Variants in CADM2 observed in about 807,000 individuals in gnomAD.
The protein encoded by CADM2 is immunoglobulin superfamily member 4D.
CADM2 carries 12 observed loss-of-function variants against 49.8 expected under a neutral mutation model. The ratio of observed to expected loss-of-function variants is 0.24; its 90% CI spans 0.15 to 0.39. CADM2 has a LOEUF of 0.39. CADM2 is among the 10% of genes least tolerant of loss of function. CADM2 has a pLI of 1.00. For missense variants in CADM2, 378 were observed against 492.3 expected, an observed-to-expected ratio of 0.77 and a Z score of 2.20; for synonymous variants, 214 against 175.4, an observed-to-expected ratio of 1.22 and a Z score of -1.74.
At chr3:85,268,981 A>G (rs959745500) in intron 1 of CADM2, among the ~76,000 whole-genome samples, 1 of 151,386 alleles carries the variant, frequency 6.6e-6, no homozygotes, top group African/African-American at 2.4e-5. Flanking sequence ...CAAAATTGCT[A>G]TCTAATTTTA....
intron 5 of CADM2, among the ~76,000 whole-genome samples, chr3:85,887,666 A>C (rs965765196): frequency 6.6e-6 from 1 of 152,174 alleles, no homozygotes; most frequent in Non-Finnish European, 1.5e-5. Context: ...ACAAGTCCCA[A>C]GACACAAGTT....
At chr3:85,740,037 T>C (rs574577585) in intron 2 of CADM2, among the ~76,000 whole-genome samples, 1 of 152,192 alleles carries the variant, frequency 6.6e-6, no homozygotes. Context: ...TGAGTAACAG[T>C]ATTAGATGTT....
intron 1 of CADM2, among the ~76,000 whole-genome samples, chr3:85,013,171 G>T (rs1237149682): frequency 6.6e-6 from 1 of 150,580 alleles, no homozygotes; most frequent in Non-Finnish European, 1.5e-5. Flanking sequence ...CCAAATTATG[G>T]AGAAGGAAAA....
chr3:85,152,834 G>A (rs373060961), intron 1 of CADM2, among the ~76,000 whole-genome samples: 27 of 151,746 alleles, frequency 1.8e-4, no homozygotes, highest in African/African-American at 5.3e-4. Flanking sequence ...GCGTGGTGGC[G>A]GGTGCTTGTA....
intron 1 of CADM2, among the ~76,000 whole-genome samples, chr3:85,353,603 G>A (rs529045259): frequency 3.9e-4 from 59 of 149,548 alleles, no homozygotes; most frequent in Non-Finnish European, 5.9e-4. Context: ...ATTAAGGATC[G>A]TGTTTGTTTT....
intron 1 of CADM2, among the ~76,000 whole-genome samples, chr3:85,466,769 A>AT (rs895722770): frequency 4.6e-5 from 7 of 151,388 alleles, no homozygotes; most frequent in East Asian, 1.9e-4. Flanking sequence ...ACCTTGCTGT[A>AT]TTTTTTTTTC....
chr3:85,190,469 T>C (rs549146962), intron 1 of CADM2, among the ~76,000 whole-genome samples: 1 of 152,264 alleles, frequency 6.6e-6, no homozygotes, highest in Non-Finnish European at 1.5e-5. Context: ...CTCTTGGCCA[T>C]ATGAGAAGTA....
intron 1 of CADM2, among the ~76,000 whole-genome samples, chr3:85,426,098 T>A (rs114396850): frequency 6.6e-6 from 1 of 151,978 alleles, no homozygotes; most frequent in African/African-American, 2.4e-5. Context: ...TGTGCAGGCA[T>A]AATGCAGCAA....
At position 85,424,651 on chromosome 3, in the gene CADM2, A is replaced by G. The variant is rs530209604; in HGVS notation, c.62-301871A>G. Among the ~76,000 whole-genome samples, 3 of 152,312 alleles carry G rather than the reference A, an allele frequency of 2.0e-5. No homozygotes were observed. The East Asian group carries it at 5.8e-4, about 29-fold the overall frequency. On this transcript the variant is annotated intron_variant, in intron 1 of 9. Coordinates refer to ENST00000383699, the MANE Select transcript of CADM2 (RefSeq NM_001167675.2). Reference sequence around the variant, plus strand: ...ATGCAAACAGCAAAATTTGCTAATTACAACAAAAATGTCTTAAATATTTTC... The same window carrying G: ...ATGCAAACAGCAAAATTTGCTAATTGCAACAAAAATGTCTTAAATATTTTC...
chr3:85,683,470 A>T (rs958117318), intron 1 of CADM2, among the ~76,000 whole-genome samples: 1 of 152,208 alleles, frequency 6.6e-6, no homozygotes, highest in Non-Finnish European at 1.5e-5. Flanking sequence ...AACTTCAAAC[A>T]TAAAATATTG....
chr3:85,122,890 A>T (rs2038913680), intron 1 of CADM2, among the ~76,000 whole-genome samples: 1 of 151,928 alleles, frequency 6.6e-6, no homozygotes, highest in Admixed American at 6.6e-5. Flanking sequence ...CTCTTTGGGG[A>T]AATTATTCCT....
At chr3:85,695,109 A>G (rs1482487976) in intron 1 of CADM2, among the ~76,000 whole-genome samples, 1 of 152,052 alleles carries the variant, frequency 6.6e-6, no homozygotes, top group African/African-American at 2.4e-5. Flanking sequence ...ACTCCCAAGA[A>G]TGTTAAAATA....
At chr3:85,556,522 G>A (rs189131609) in intron 1 of CADM2, among the ~76,000 whole-genome samples, 166 of 152,236 alleles carry the variant, frequency 1.1e-3, no homozygotes, top group African/African-American at 3.9e-3. Context: ...AATTAAAAGA[G>A]CTATGGATTA....
In CADM2 at chr3:85,613,629, A is replaced by G. The variant is rs551413044; in HGVS notation, c.62-112893A>G. Among the ~76,000 whole-genome samples the G allele has an allele frequency of 1.8e-4, 28 of 151,714 alleles. 1 individual carries two copies. The highest frequency in any genetic ancestry group is 5.3e-4 in the African/African-American group (22 of 41,528). On this transcript the variant is annotated intron_variant, in intron 1 of 9. Coordinates refer to ENST00000383699, the MANE Select transcript of CADM2 (RefSeq NM_001167675.2). ...GGTTTGAGAATGACACTTTATAATA[A>G]TAACTAATATAATTTTTAATTTATT... is the stretch of plus-strand genomic sequence containing the variant.
intron 1 of CADM2, among the ~76,000 whole-genome samples, chr3:85,514,825 T>C (rs909347365): frequency 2.4e-4 from 36 of 152,272 alleles, no homozygotes; most frequent in African/African-American, 7.7e-4. Flanking sequence ...TCCTTTCCTA[T>C]TTCGGTAAGC....
intron 1 of CADM2, among the ~76,000 whole-genome samples, chr3:85,010,800 A>G (rs1175542727): frequency 6.7e-6 from 1 of 148,430 alleles, no homozygotes; most frequent in South Asian, 2.1e-4. Context: ...ATTTTCTTAG[A>G]ATATTCACCA....
At chr3:85,161,068 T>C (rs2040307163) in intron 1 of CADM2, among the ~76,000 whole-genome samples, 1 of 152,320 alleles carries the variant, frequency 6.6e-6, no homozygotes, top group African/African-American at 2.4e-5. Flanking sequence ...GAACTATTTG[T>C]TCTATTGGTC....
At chr3:85,685,302 C>A (rs532881587) in intron 1 of CADM2, among the ~76,000 whole-genome samples, 1 of 152,256 alleles carries the variant, frequency 6.6e-6, no homozygotes, top group Non-Finnish European at 1.5e-5. Flanking sequence ...ACTCTTCTCC[C>A]AGGGCTATCA....
At chr3:85,342,440 C>G (rs1205135203) in intron 1 of CADM2, among the ~76,000 whole-genome samples, 1 of 151,774 alleles carries the variant, frequency 6.6e-6, no homozygotes, top group African/African-American at 2.4e-5. Flanking sequence ...TACATAATTT[C>G]AATTTATTAT....
Sources: gnomAD v4.1 joint callset for allele counts (sites outside exome capture counted in the v4.1 genomes callset) on GRCh38, gnomAD v4.1.1 for gene constraint, MANE v1.5 for transcripts, NCBI Gene and HGNC (gene_info 2026-07-23, HGNC 2026-07-21) for gene names.